IRAK1BP1: variants seen among roughly 807,000 people sequenced by gnomAD.
IRAK1BP1 encodes the protein interleukin 1 receptor associated kinase 1 binding protein 1.
A neutral mutation model predicts 28.0 loss-of-function variants in IRAK1BP1; 24 were observed. The ratio of observed to expected loss-of-function variants is 0.86; its 90% CI spans 0.62 to 1.20. The LOEUF is 1.20. IRAK1BP1 is among the 50% of genes most tolerant of loss of function. IRAK1BP1 has a pLI of 0.00. For synonymous variants in IRAK1BP1, 131 were observed against 116.3 expected, an observed-to-expected ratio of 1.13 and a Z score of -0.81; for missense variants, 336 against 316.7, an observed-to-expected ratio of 1.06 and a Z score of -0.46.
intron 4 of IRAK1BP1, among the ~76,000 whole-genome samples, chr6:78,908,913 A>G (rs1772334281): frequency 6.6e-6 from 1 of 152,172 alleles, no homozygotes; most frequent in African/African-American, 2.4e-5. Flanking sequence ...GATAGGATCA[A>G]TTCTGGGCCC....
At chr6:78,937,552 T>C (rs963137196) in intron 4 of IRAK1BP1, 9 of 151,744 alleles carry the variant, frequency 5.9e-5, no homozygotes, top group African/African-American at 1.9e-4. Context: ...GTCTCAGATG[T>C]TACCTAATCC....
the IRAK1BP1 span, chr6:78,961,896 A>C: frequency 9.7e-7 from 1 of 1,029,116 alleles, no homozygotes; most frequent in African/African-American, 1.6e-5. Context: ...AGACTTAAAA[A>C]GTCCTAATCT....
chr6:78,903,169 C>A, downstream of IRAK1BP1: 1 of 916,354 alleles, frequency 1.1e-6, no homozygotes, highest in Non-Finnish European at 1.6e-6. Flanking sequence ...ATACTGTATT[C>A]TTTGCTACAT....
At position 78,884,878 on chromosome 6, in the gene IRAK1BP1, C is replaced by A. The variant is rs774580583; in HGVS notation, c.316-500C>A. ...TACTTTCATTATAAGGTAATATAAA[C>A]TAAGAAATAGTTTAAAATGGAATAA... On this transcript the variant is annotated intron_variant, in intron 1 of 3. Transcript: ENST00000369940. Among the ~76,000 whole-genome samples, 48 of 152,040 alleles carry A rather than the reference C, an allele frequency of 3.2e-4. 1 individual carries two copies. Among genetic ancestry groups the A allele is most frequent in the South Asian group, 2.5e-3 (12 of 4,828 alleles).
chr6:78,942,751 A>G (rs556863966), intron 4 of IRAK1BP1, among the ~76,000 whole-genome samples: 2 of 152,348 alleles, frequency 1.3e-5, no homozygotes, highest in African/African-American at 2.4e-5. Flanking sequence ...TATCCAGTAC[A>G]TGTACCTACT....
chr6:78,935,100 T>C (rs1195784667), intron 4 of IRAK1BP1, among the ~76,000 whole-genome samples: 2 of 152,128 alleles, frequency 1.3e-5, no homozygotes, highest in Non-Finnish European at 2.9e-5. Flanking sequence ...AAAAGAGAAA[T>C]AAGTAAAGAG....
chr6:78,883,025 G>T (rs1239914097), intron 1 of IRAK1BP1, among the ~76,000 whole-genome samples: 1 of 152,098 alleles, frequency 6.6e-6, no homozygotes. Context: ...GAGAGTCTAA[G>T]GTGGAAGGAT....
chr6:78,874,035 T>C (rs1358833931), intron 1 of IRAK1BP1, among the ~76,000 whole-genome samples: 1 of 152,226 alleles, frequency 6.6e-6, no homozygotes, highest in Non-Finnish European at 1.5e-5. Flanking sequence ...TGTAGTTCTC[T>C]TGGCTTTACC....
chr6:78,888,866 C>T (rs1290690973), intron 2 of IRAK1BP1, among the ~76,000 whole-genome samples: 1 of 151,888 alleles, frequency 6.6e-6, no homozygotes, highest in Non-Finnish European at 1.5e-5. Context: ...GCCTCTAATC[C>T]CAGCACTTTG....
At chr6:78,929,315 A>G (rs548871002) in intron 4 of IRAK1BP1, among the ~76,000 whole-genome samples, 1 of 152,314 alleles carries the variant, frequency 6.6e-6, no homozygotes, top group African/African-American at 2.4e-5. Context: ...GGTGGGTTGG[A>G]TAAATAAAAT....
Sources: gnomAD v4.1 joint callset for allele counts (sites outside exome capture counted in the v4.1 genomes callset) on GRCh38, gnomAD v4.1.1 for gene constraint, MANE v1.5 for transcripts, NCBI Gene and HGNC (gene_info 2026-07-23, HGNC 2026-07-21) for gene names.